Variants in SLC24A3 observed in about 807,000 individuals in gnomAD.
The protein encoded by SLC24A3 is sodium/potassium/calcium exchanger 3.
SLC24A3 carries 28 observed loss-of-function variants against 75.8 expected under a neutral mutation model. The ratio of observed to expected loss-of-function variants is 0.37; its 90% CI spans 0.27 to 0.51. The LOEUF (loss-of-function observed/expected upper bound fraction) is 0.51, where lower values mean the gene tolerates loss of function less well. Ranked by LOEUF, SLC24A3 falls within the 20% of genes least tolerant of loss-of-function variation. The pLI, the probability that SLC24A3 is intolerant of heterozygous loss-of-function variation, is 0.94. For missense variants in SLC24A3, 663 were observed against 847.8 expected (o/e 0.78, Z 2.71); for synonymous variants, 372 against 334.1 (o/e 1.11, Z -1.24).
At chr20:19,367,716 G>T (rs556699095) in intron 2 of SLC24A3, among the ~76,000 whole-genome samples, 1 of 152,302 alleles carries the variant, frequency 6.6e-6, no homozygotes, top group East Asian at 1.9e-4. Flanking sequence ...TTCCTTGTTG[G>T]CCAGGTTCAT....
chr20:19,568,699 C>T (rs2031001341), intron 3 of SLC24A3, among the ~76,000 whole-genome samples: 1 of 152,136 alleles, frequency 6.6e-6, no homozygotes, highest in African/African-American at 2.4e-5. Flanking sequence ...GGTTTCATGG[C>T]ATGAATGCAC....
At chr20:19,687,615 C>T (rs2032693178) in intron 12 of SLC24A3, among the ~76,000 whole-genome samples, 1 of 152,156 alleles carries the variant, frequency 6.6e-6, no homozygotes. Flanking sequence ...TGTAAGTGAC[C>T]AAGTTCTATG....
At chr20:19,684,387 T>C (rs757361374) in intron 11 of SLC24A3, 51 bp downstream of exon 11, 4 of 1,557,534 alleles carry the variant, frequency 2.6e-6, no homozygotes, top group Non-Finnish European at 3.5e-6. Context: ...TGGGAAACTC[T>C]GGGAAGGAGA....
chr20:19,292,869 T>C (rs1983974729), intron 2 of SLC24A3, among the ~76,000 whole-genome samples: 1 of 152,216 alleles, frequency 6.6e-6, no homozygotes, highest in Admixed American at 6.5e-5. Context: ...AGGACCTGTT[T>C]CCTGGTTCAT....
intron 7 of SLC24A3, among the ~76,000 whole-genome samples, chr20:19,664,185 A>G (rs938889964): frequency 6.6e-6 from 1 of 152,218 alleles, no homozygotes; most frequent in Non-Finnish European, 1.5e-5. Context: ...AATGTTTTCT[A>G]TCTTAAATAA....
intron 2 of SLC24A3, among the ~76,000 whole-genome samples, chr20:19,300,991 C>A (rs755468793): frequency 7.9e-5 from 12 of 152,144 alleles, no homozygotes; most frequent in Admixed American, 3.9e-4. Context: ...GCCAACATAG[C>A]ACACCTAACT....
chr20:19,662,648 TTTC>T (rs1284327962), intron 7 of SLC24A3, among the ~76,000 whole-genome samples: 1 of 152,252 alleles, frequency 6.6e-6, no homozygotes, highest in African/African-American at 2.4e-5. Flanking sequence ...GATTTCAAGT[TTTC>T]TTCTACACTA....
chr20:19,684,032 A>G, intron 10 of SLC24A3, 144 bp from the exon 11 acceptor site: 1 of 840,854 alleles, frequency 1.2e-6, no homozygotes, highest in South Asian at 1.9e-5. Flanking sequence ...AGGAAAGAAG[A>G]GTGGATGAGT....
intron 2 of SLC24A3, among the ~76,000 whole-genome samples, chr20:19,469,242 G>A (rs1987822665): frequency 6.6e-6 from 1 of 152,110 alleles, no homozygotes. Context: ...GGGAAGGGTG[G>A]CGTAGGAACT....
intron 2 of SLC24A3, among the ~76,000 whole-genome samples, chr20:19,505,327 C>G (rs1029917777): frequency 6.6e-6 from 1 of 152,218 alleles, no homozygotes; most frequent in African/African-American, 2.4e-5. Context: ...GCAAATCCAC[C>G]GCAAATTGTC....
chr20:19,535,509 G>A (rs535186844), intron 3 of SLC24A3, among the ~76,000 whole-genome samples: 33 of 152,288 alleles, frequency 2.2e-4, no homozygotes, highest in African/African-American at 6.5e-4. Context: ...TCATACTGAG[G>A]CCTAGGCTTA....
At chr20:19,290,110 G>A (rs1345282248) in intron 2 of SLC24A3, among the ~76,000 whole-genome samples, 1 of 152,124 alleles carries the variant, frequency 6.6e-6, no homozygotes, top group Non-Finnish European at 1.5e-5. Context: ...CTGCACCTGC[G>A]CCCTACTGGA....
At chr20:19,467,771 C>T (rs145416354) in intron 2 of SLC24A3, among the ~76,000 whole-genome samples, 3 of 151,786 alleles carry the variant, frequency 2.0e-5, no homozygotes, top group East Asian at 2.0e-4. Context: ...ATCCCAGCTA[C>T]TTGTGAAGCT....
intron 2 of SLC24A3, among the ~76,000 whole-genome samples, chr20:19,407,889 T>C (rs957285565): frequency 6.6e-6 from 1 of 152,246 alleles, no homozygotes; most frequent in African/African-American, 2.4e-5. Context: ...CTTTCTGCAT[T>C]CGTGGTGGTT....
intron 2 of SLC24A3, among the ~76,000 whole-genome samples, chr20:19,365,797 T>C (rs916292987): frequency 1.2e-4 from 18 of 152,184 alleles, no homozygotes; most frequent in African/African-American, 4.3e-4. Context: ...ACATATCCAA[T>C]TGCAAAAGTT....
chr20:19,333,642 AGTGT>A (rs1162457740), intron 2 of SLC24A3, among the ~76,000 whole-genome samples: 3 of 119,368 alleles, frequency 2.5e-5, no homozygotes, highest in Non-Finnish European at 3.7e-5. Context: ...TGTGTGTGTG[AGTGT>A]GTGTGTGTGT....
At chr20:19,360,113 C>A (rs958245450) in intron 2 of SLC24A3, among the ~76,000 whole-genome samples, 1 of 152,148 alleles carries the variant, frequency 6.6e-6, no homozygotes, top group African/African-American at 2.4e-5. Flanking sequence ...GTGCTAACAC[C>A]GTGCTAATAG....
chr20:19,369,646 A>C lies in SLC24A3; in HGVS notation c.271+88559A>C, dbSNP rs73126872. ...TTATGAAATAGAATGTCCTGTTCTG[A>C]GAAAATACACTAAAATACTTAGGTA... On this transcript the variant is annotated intron_variant, in intron 2 of 16. Transcript: ENST00000328041. Among the ~76,000 whole-genome samples the C allele has an allele frequency of 6.8e-3, 1,028 of 152,200 alleles. 4 individuals are homozygous for C. The highest frequency in any genetic ancestry group is 0.01 in the Middle Eastern group (3 of 294).
chr20:19,440,364 G>A (rs1461416384), intron 2 of SLC24A3, among the ~76,000 whole-genome samples: 1 of 152,224 alleles, frequency 6.6e-6, no homozygotes, highest in Non-Finnish European at 1.5e-5. Flanking sequence ...GACAGCTGGG[G>A]AGAGAGAATG....
Sources: allele counts gnomAD v4.1 joint callset (sites outside exome capture counted in the v4.1 genomes callset), GRCh38; gene constraint gnomAD v4.1.1; transcripts MANE v1.5; gene names NCBI Gene and HGNC (gene_info 2026-07-23, HGNC 2026-07-21).